Variants in TRIM49 observed in about 807,000 individuals in gnomAD.
The protein encoded by TRIM49 is tripartite motif containing 49, also known as tripartite motif-containing protein 49.
A neutral mutation model predicts 27.4 loss-of-function variants in TRIM49; 5 were observed. That is an observed-to-expected ratio of 0.18 (90% CI 0.10 to 0.38). The LOEUF (loss-of-function observed/expected upper bound fraction) is 0.38, where lower values mean the gene tolerates loss of function less well. TRIM49 is among the 10% of genes least tolerant of loss of function. TRIM49 has a pLI of 1.00. For missense variants in TRIM49, 188 were observed against 487.5 expected, an observed-to-expected ratio of 0.39 and a Z score of 5.79; for synonymous variants, 69 against 166.0, an observed-to-expected ratio of 0.42 and a Z score of 4.49.
At chr11:89,775,804 A>G in the TRIM49 span, among the ~76,000 whole-genome samples, 1 of 146,996 alleles carries the variant, frequency 6.8e-6, no homozygotes, top group Non-Finnish European at 1.5e-5. Flanking sequence ...AATGGTTGAT[A>G]ATTTTAGGAG....
chr11:89,770,626 G>A, the TRIM49 span, among the ~76,000 whole-genome samples: 1 of 141,986 alleles, frequency 7.0e-6, no homozygotes, highest in African/African-American at 2.9e-5. Context: ...TTGGGAGGTC[G>A]AGGTGGGCGG....
At chr11:89,794,994 CA>C (rs1205014340), downstream of TRIM49, among the ~76,000 whole-genome samples, 3 of 150,788 alleles carry the variant, frequency 2.0e-5, no homozygotes. Flanking sequence ...ACTCATCTGA[CA>C]AAGGGCTAAT....
At chr11:89,802,215 A>G (rs1369724093) in intron 4 of TRIM49, among the ~76,000 whole-genome samples, 1 of 147,984 alleles carries the variant, frequency 6.8e-6, no homozygotes, top group Admixed American at 6.7e-5. Context: ...TTTATGGCAA[A>G]GTAAGAACAG....
downstream of TRIM49, among the ~76,000 whole-genome samples, chr11:89,795,800 G>T (rs1409134780): frequency 6.6e-6 from 1 of 150,732 alleles, no homozygotes; most frequent in Middle Eastern, 3.2e-3. Context: ...AGGAGTTAAT[G>T]GGTGCAGCAC....
chr11:89,792,141 CAAAG>C, the TRIM49 span, among the ~76,000 whole-genome samples: 14 of 152,104 alleles, frequency 9.2e-5, no homozygotes, highest in African/African-American at 3.1e-4. Context: ...TCAAAAGAGA[CAAAG>C]AAGGCCATTA....
At chr11:89,792,189 GCTAA>G in the TRIM49 span, among the ~76,000 whole-genome samples, 1 of 152,044 alleles carries the variant, frequency 6.6e-6, no homozygotes, top group Non-Finnish European at 1.5e-5. Flanking sequence ...AACAAGAGGA[GCTAA>G]CTATCTTAAA....
intron 2 of TRIM49, among the ~76,000 whole-genome samples, chr11:89,804,767 T>C (rs1400507762): frequency 1.3e-5 from 2 of 151,430 alleles, no homozygotes; most frequent in East Asian, 3.9e-4. Flanking sequence ...GGAAATTGGG[T>C]TTTGATTCTA....
At chr11:89,785,818 G>A in the TRIM49 span, 12 of 145,168 alleles carry the variant, frequency 8.3e-5, no homozygotes, top group African/African-American at 3.3e-4. Flanking sequence ...TGTAAAAGAA[G>A]GGAGGTTTCC....
the TRIM49 span, among the ~76,000 whole-genome samples, chr11:89,785,043 T>A: frequency 9.3e-5 from 14 of 149,848 alleles, no homozygotes; most frequent in African/African-American, 3.5e-4. Flanking sequence ...AATCCAGAAA[T>A]CTTGAACTTT....
downstream of TRIM49, among the ~76,000 whole-genome samples, chr11:89,794,403 G>T: frequency 6.8e-6 from 1 of 147,472 alleles, no homozygotes; most frequent in South Asian, 2.2e-4. Flanking sequence ...AGTTCATGTG[G>T]AACCAAAAAA....
chr11:89,795,524 T>A (rs999407559), downstream of TRIM49, among the ~76,000 whole-genome samples: 26 of 68,860 alleles, frequency 3.8e-4, no homozygotes, highest in African/African-American at 1.3e-3. Flanking sequence ...TAAGAAAATG[T>A]GGCACATATA....
At position 89,798,024 on chromosome 11, in the gene TRIM49, C is replaced by T; in HGVS notation, c.*106G>A. ...GATAACATTAGAAGGCAATTCAAGA[C>T]ATAAAATAGAGCCTATTTGTCCTGT... On this transcript the variant is annotated 3_prime_UTR_variant, in exon 8 of 8. Transcript: ENST00000329758. 1.6e-6 allele frequency: 1 copy of T among 614,094 alleles called. No homozygotes were observed. Among genetic ancestry groups the T allele is most frequent in the Non-Finnish European group, 2.4e-6 (1 of 422,752 alleles). The allele number at this position is 614,094 out of a possible 1,614,324, so 38.0% of individuals were successfully genotyped here. A position where few individuals can be genotyped will look rare whatever the true frequency, so the allele number is the denominator to read the frequency against.
the TRIM49 span, chr11:89,777,310 T>G: frequency 6.5e-7 from 1 of 1,544,902 alleles, no homozygotes; most frequent in Non-Finnish European, 8.7e-7. Flanking sequence ...GAGATTGCTC[T>G]GTGGGCCCTG....
chr11:89,793,745 GA>G (rs1949670759), downstream of TRIM49, among the ~76,000 whole-genome samples: 2 of 151,892 alleles, frequency 1.3e-5, no homozygotes, highest in Admixed American at 6.6e-5. Context: ...AAAATAATAA[GA>G]GCTATTTATG....
the TRIM49 span, among the ~76,000 whole-genome samples, chr11:89,770,159 C>T: frequency 2.8e-4 from 31 of 111,554 alleles, no homozygotes; most frequent in African/African-American, 1.5e-3. Context: ...GAGCACTTGT[C>T]TCTGGTCTCC....
chr11:89,778,295 A>C, the TRIM49 span, among the ~76,000 whole-genome samples: 5 of 152,138 alleles, frequency 3.3e-5, no homozygotes, highest in African/African-American at 1.2e-4. Flanking sequence ...CATTTCACTA[A>C]GATTGGGTGT....
At chr11:89,796,260 G>A (rs1229316151), downstream of TRIM49, among the ~76,000 whole-genome samples, 1 of 151,528 alleles carries the variant, frequency 6.6e-6, no homozygotes, top group Non-Finnish European at 1.5e-5. Flanking sequence ...TTATGAGACA[G>A]ACTGTCATTC....
At chr11:89,806,004 G>A (rs1426991591) in intron 2 of TRIM49, among the ~76,000 whole-genome samples, 5 of 150,888 alleles carry the variant, frequency 3.3e-5, no homozygotes, top group Non-Finnish European at 5.9e-5. Context: ...CTAGGCACGC[G>A]CCACAGTGCC....
chr11:89,799,837 C>T lies in TRIM49; in HGVS notation c.762-24G>A, dbSNP rs1377184435. 9 of 1,191,568 alleles carry T rather than the reference C, an allele frequency of 7.6e-6. No homozygotes were observed. In the South Asian group the frequency reaches 9.2e-5, roughly 12 times the overall value. 73.8% of individuals were successfully genotyped at this position (1,191,568 alleles called of 1,614,324 possible). On this transcript the variant is annotated intron_variant, in intron 6 of 7. Transcript: ENST00000329758. Reference sequence around the variant, plus strand: ...TCCTGCAAGGAAAAACCTGCAGTTACAACATCTACAGCCATAAAATAAATA... The same window carrying T: ...TCCTGCAAGGAAAAACCTGCAGTTATAACATCTACAGCCATAAAATAAATA...
Sources: allele counts gnomAD v4.1 joint callset (sites outside exome capture counted in the v4.1 genomes callset), GRCh38; gene constraint gnomAD v4.1.1; transcripts MANE v1.5; gene names NCBI Gene and HGNC (gene_info 2026-07-23, HGNC 2026-07-21).